SCN1A: variants seen among roughly 807,000 people sequenced by gnomAD.
SCN1A encodes sodium voltage-gated channel alpha subunit 1, also known as sodium channel protein type 1 subunit alpha.
A neutral mutation model predicts 193.7 loss-of-function variants in SCN1A; 13 were observed. The ratio of observed to expected loss-of-function variants is 0.07; its 90% CI spans 0.04 to 0.11. The LOEUF (loss-of-function observed/expected upper bound fraction) is 0.11, where lower values mean the gene tolerates loss of function less well. Ranked by LOEUF, SCN1A falls within the 10% of genes least tolerant of loss-of-function variation. The pLI is 1.00. For synonymous variants in SCN1A, 781 were observed against 843.6 expected, an observed-to-expected ratio of 0.93 and a Z score of 1.29; for missense variants, 1,432 against 2,451.1, an observed-to-expected ratio of 0.58 and a Z score of 8.78.
chr2:166,113,837 T>C (rs1689563036), intron 2 of SCN1A, among the ~76,000 whole-genome samples: 1 of 152,156 alleles, frequency 6.6e-6, no homozygotes. Flanking sequence ...TATATCAATG[T>C]AGCAAAATTG....
At chr2:166,142,715 G>T (rs1692138489) in intron 1 of SCN1A, among the ~76,000 whole-genome samples, 1 of 152,142 alleles carries the variant, frequency 6.6e-6, no homozygotes, top group African/African-American at 2.4e-5. Flanking sequence ...TTCACTTGCT[G>T]ATATGGTTTG....
rs1559227503 is a variant in SCN1A at position 166,047,615 on chromosome 2, T to C, written c.1170+12A>G. On this transcript the variant is annotated intron_variant, in intron 11 of 28. Transcript: ENST00000674923. The stretch of plus-strand genomic sequence containing the variant: ...TTTACTTAAATGGAGAGTGTGGCTC[T>C]TTAGTTCTCACCAGTTGATAAAGAT... 1 of 1,613,298 alleles carries C rather than the reference T, an allele frequency of 6.2e-7. No individual in the cohort carries two copies. The highest frequency in any genetic ancestry group is 8.5e-7 in the Non-Finnish European group (1 of 1,179,374).
rs1416999810 is a variant in SCN1A at position 166,007,127 on chromosome 2, C to T, written c.4002+2592G>A. On this transcript the variant is annotated intron_variant, in intron 23 of 28. Coordinates refer to ENST00000674923, the MANE Select transcript of SCN1A (RefSeq NM_001165963.4). ...TTAGGATGTAAATAATGTATTTTCC[C>T]TACTGTGGTGCAATAATAGTACCCT... 6.7e-6 allele frequency: 1 copy of T among 150,282 alleles called. No homozygotes were observed. Among genetic ancestry groups the T allele is most frequent in the Non-Finnish European group, 1.5e-5 (1 of 67,256 alleles). 9.3% of individuals were successfully genotyped at this position (150,282 alleles called of 1,614,324 possible).
At chr2:166,068,155 G>A (rs1253341453) in intron 4 of SCN1A, among the ~76,000 whole-genome samples, 1 of 152,084 alleles carries the variant, frequency 6.6e-6, no homozygotes, top group Non-Finnish European at 1.5e-5. Flanking sequence ...CATTGTTTGA[G>A]GTACTGGGTA....
chr2:166,103,584 GA>G (rs1208337500), intron 2 of SCN1A, among the ~76,000 whole-genome samples: 1 of 152,074 alleles, frequency 6.6e-6, no homozygotes, highest in Non-Finnish European at 1.5e-5. Context: ...TGAGGAGGGG[GA>G]AAAATGTTAA....
chr2:166,075,359 A>G (rs568528192), intron 3 of SCN1A: 1 of 152,170 alleles, frequency 6.6e-6, no homozygotes, highest in Non-Finnish European at 1.5e-5. Flanking sequence ...TTCAATAGGT[A>G]TATGCTAGAA....
chr2:166,082,568 A>G (rs1313102257), intron 2 of SCN1A, among the ~76,000 whole-genome samples: 1 of 152,032 alleles, frequency 6.6e-6, no homozygotes, highest in Non-Finnish European at 1.5e-5. Flanking sequence ...GGAGACTCCA[A>G]AATTTAAAAA....
chr2:166,050,116 T>G (rs1698357447), intron 9 of SCN1A, among the ~76,000 whole-genome samples: 1 of 151,952 alleles, frequency 6.6e-6, no homozygotes, highest in Non-Finnish European at 1.5e-5. Context: ...TAACTTTCAA[T>G]TAAAATTAAA....
At position 166,038,821 on chromosome 2, in the gene SCN1A, T is replaced by C. The variant is rs573141423; in HGVS notation, c.2589+602A>G. Among the ~76,000 whole-genome samples the C allele has an allele frequency of 1.4e-4, 21 of 152,314 alleles. No homozygotes were observed. The South Asian group carries it at 4.4e-3, about 32-fold the overall frequency. ...ACTGAGCCCTGATATAAGTAAAGTG[T>C]TCATTATTCATTAATGCTCCTTAGG... On this transcript the variant is annotated intron_variant, in intron 17 of 28. Transcript: ENST00000674923.
At chr2:166,022,451 A>G (rs1559164983) in intron 19 of SCN1A, among the ~76,000 whole-genome samples, 1 of 152,330 alleles carries the variant, frequency 6.6e-6, no homozygotes, top group East Asian at 1.9e-4. Context: ...AAGTTATTTC[A>G]GGGGTTTAAT....
chr2:166,015,950 T>G (rs1693240331), intron 19 of SCN1A: 1 of 521,458 alleles, frequency 1.9e-6, no homozygotes, highest in Non-Finnish European at 3.4e-6. Context: ...GATTGCTATG[T>G]TATGAGGTTA....
At chr2:166,065,492 A>T (rs535728885) in intron 4 of SCN1A, among the ~76,000 whole-genome samples, 10 of 152,268 alleles carry the variant, frequency 6.6e-5, no homozygotes, top group African/African-American at 1.9e-4. Flanking sequence ...CATTTGTCAT[A>T]GCCTGTGAGT....
In SCN1A at chr2:165,994,210, G is replaced by T. The variant is rs762836573; in HGVS notation, c.4788C>A (p.Arg1596=). 1.2e-6 allele frequency: 2 copies of T among 1,612,562 alleles called. No individual in the cohort carries two copies. The highest frequency in any genetic ancestry group is 3.3e-5 in the Admixed American group (2 of 59,836). The part of the protein sequence containing the change: ...GECVLKLISL[R]HYYFTIGWNI... Reference sequence around the variant, plus strand: ...TCCATCCAATGGTAAAATAATAATGGCGTAGAGAGATGAGTTTCAGTACAC... The same window carrying T: ...TCCATCCAATGGTAAAATAATAATGTCGTAGAGAGATGAGTTTCAGTACAC... Residue 1596 remains arginine (R), a synonymous_variant, in exon 28 of 29, where the codon CGC becomes CGA. Transcript: ENST00000674923.
chr2:166,146,578 C>T (rs1344675575), intron 1 of SCN1A, among the ~76,000 whole-genome samples: 1 of 152,134 alleles, frequency 6.6e-6, no homozygotes, highest in Non-Finnish European at 1.5e-5. Context: ...GCTCAAAATT[C>T]CACAATGTCT....
intron 2 of SCN1A, among the ~76,000 whole-genome samples, chr2:166,115,094 G>A (rs1574563966): frequency 6.6e-6 from 1 of 152,168 alleles, no homozygotes; most frequent in African/African-American, 2.4e-5. Flanking sequence ...AGCTAGGCAC[G>A]GTAGCTCACG....
At chr2:166,129,393 G>T (rs1169999589), upstream of SCN1A, among the ~76,000 whole-genome samples, 4 of 152,024 alleles carry the variant, frequency 2.6e-5, no homozygotes, top group Admixed American at 1.3e-4. Context: ...TGGACCAATG[G>T]GTCCATCTTG....
chr2:166,114,619 T>G (rs1432898359), intron 2 of SCN1A, among the ~76,000 whole-genome samples: 2 of 152,206 alleles, frequency 1.3e-5, no homozygotes, highest in Non-Finnish European at 2.9e-5. Context: ...AATAAAAATG[T>G]AAAATTCTTG....
At chr2:166,052,669 A>G (rs1333836698) in intron 8 of SCN1A, among the ~76,000 whole-genome samples, 183 bp downstream of exon 8, 2 of 151,910 alleles carry the variant, frequency 1.3e-5, no homozygotes, top group South Asian at 4.1e-4. Flanking sequence ...CTCAAATTAC[A>G]GTATCTCACA....
chr2:166,139,669 T>A (rs1392514330), intron 1 of SCN1A, among the ~76,000 whole-genome samples: 1 of 152,106 alleles, frequency 6.6e-6, no homozygotes, highest in Non-Finnish European at 1.5e-5. Flanking sequence ...TGGCAGAAGA[T>A]GAAAGGCACA....
Sources: allele counts gnomAD v4.1 joint callset (sites outside exome capture counted in the v4.1 genomes callset), GRCh38; gene constraint gnomAD v4.1.1; transcripts MANE v1.5; gene names NCBI Gene and HGNC (gene_info 2026-07-23, HGNC 2026-07-21).